The following DPP10 variants were observed in gnomAD, a reference collection of about 807,000 sequenced individuals.
DPP10 encodes inactive dipeptidyl peptidase 10.
DPP10 carries 33 observed loss-of-function variants against 120.9 expected under a neutral mutation model. The ratio of observed to expected loss-of-function variants is 0.27; its 90% confidence interval spans 0.21 to 0.37. The LOEUF (loss-of-function observed/expected upper bound fraction) is 0.37. Ranked by LOEUF, DPP10 falls within the 10% of genes least tolerant of loss-of-function variation. DPP10 has a pLI of 1.00. For missense variants in DPP10, 816 were observed against 942.8 expected, an observed-to-expected ratio of 0.87 and a Z score of 1.76; for synonymous variants, 337 against 326.1, an observed-to-expected ratio of 1.03 and a Z score of -0.36.
At chr2:114,727,292 C>G (rs1013011385) in intron 1 of DPP10, among the ~76,000 whole-genome samples, 1 of 152,118 alleles carries the variant, frequency 6.6e-6, no homozygotes, top group African/African-American at 2.4e-5. Context: ...CTTCTGGTGA[C>G]AAGGTCTTCA....
At chr2:114,447,689 A>G (rs1238499810) in intron 1 of DPP10, among the ~76,000 whole-genome samples, 1 of 152,192 alleles carries the variant, frequency 6.6e-6, no homozygotes, top group Non-Finnish European at 1.5e-5. Flanking sequence ...ACACTAAAGA[A>G]AGAGTTACCA....
intron 1 of DPP10, among the ~76,000 whole-genome samples, chr2:115,212,555 C>G (rs556253757): frequency 6.6e-6 from 1 of 151,792 alleles, no homozygotes; most frequent in Non-Finnish European, 1.5e-5. Flanking sequence ...ATATGTTGCA[C>G]GATATTTTTG....
At chr2:114,730,926 C>T (rs989125790) in intron 1 of DPP10, among the ~76,000 whole-genome samples, 23 of 148,116 alleles carry the variant, frequency 1.6e-4, no homozygotes, top group Non-Finnish European at 2.7e-4. Flanking sequence ...TTTAAACTTG[C>T]TGTGAGCCAC....
intron 1 of DPP10, among the ~76,000 whole-genome samples, chr2:114,973,035 TAATG>T (rs1699500553): frequency 1.3e-5 from 2 of 152,192 alleles, no homozygotes; most frequent in African/African-American, 2.4e-5. Flanking sequence ...TTTTTGCAGT[TAATG>T]AATAGTAATA....
chr2:115,559,492 A>G (rs1170573898), intron 5 of DPP10, among the ~76,000 whole-genome samples: 2 of 152,102 alleles, frequency 1.3e-5, no homozygotes, highest in Non-Finnish European at 2.9e-5. Context: ...TAATTGTTTT[A>G]CCGTTTGATT....
chr2:115,581,519 A>G (rs2082001220), intron 5 of DPP10, among the ~76,000 whole-genome samples: 1 of 152,118 alleles, frequency 6.6e-6, no homozygotes, highest in Non-Finnish European at 1.5e-5. Flanking sequence ...TTTCTTGCTC[A>G]GCCGCTCATG....
chr2:115,100,543 C>T (rs556546716), intron 1 of DPP10, among the ~76,000 whole-genome samples: 4 of 151,550 alleles, frequency 2.6e-5, no homozygotes, highest in South Asian at 2.1e-4. Flanking sequence ...TTTGTATATA[C>T]GTATGTGTGT....
chr2:115,337,472 A>T lies in DPP10; in HGVS notation c.176-6345A>T, dbSNP rs191067445. Among the ~76,000 whole-genome samples the T allele has an allele frequency of 8.7e-4, 132 of 152,132 alleles. 1 individual carries two copies. The highest frequency in any genetic ancestry group is 1.4e-3 in the Non-Finnish European group (94 of 67,980). The stretch of plus-strand genomic sequence containing the variant: ...ATGAAGAAAACCTAAAGTCAGAGAG[A>T]TGCAGGTTCAAGTTTCAGCTCTGCC... On this transcript the variant is annotated intron_variant, in intron 2 of 25. Transcript: ENST00000410059.
chr2:114,453,331 G>C (rs1022993538), intron 1 of DPP10, among the ~76,000 whole-genome samples: 1 of 152,180 alleles, frequency 6.6e-6, no homozygotes, highest in Non-Finnish European at 1.5e-5. Flanking sequence ...AGGGCAGGTA[G>C]AAAGAAGTCT....
intron 21 of DPP10, among the ~76,000 whole-genome samples, chr2:115,816,667 A>G (rs1433726205): frequency 5.0e-5 from 7 of 139,784 alleles, no homozygotes; most frequent in African/African-American, 1.9e-4. Context: ...GCCAGGCTGG[A>G]GTGCAGTGGC....
At chr2:114,973,389 C>T (rs964426372) in intron 1 of DPP10, among the ~76,000 whole-genome samples, 15 of 151,438 alleles carry the variant, frequency 9.9e-5, no homozygotes, top group Admixed American at 9.3e-4. Flanking sequence ...AGGCCGGGCA[C>T]GGTGGTTCAC....
In DPP10 at chr2:115,637,442, A is replaced by G. The variant is rs1423311124; in HGVS notation, c.442-52245A>G. Among the ~76,000 whole-genome samples the G allele has an allele frequency of 4.6e-5, 7 of 152,176 alleles. No individual in the cohort carries two copies. The East Asian group carries it at 9.7e-4, about 21-fold the overall frequency. ...ATTTCTAAAAATAGAGGAGAAAAATAGAATAAGAAAATAGGAGGCACAGAA... is the reference window on the plus strand; with the variant it reads ...ATTTCTAAAAATAGAGGAGAAAAATGGAATAAGAAAATAGGAGGCACAGAA... On this transcript the variant is annotated intron_variant, in intron 5 of 25. Coordinates refer to ENST00000410059, the MANE Select transcript of DPP10 (RefSeq NM_020868.6).
chr2:115,612,222 C>T (rs1468097127), intron 5 of DPP10, among the ~76,000 whole-genome samples: 1 of 152,060 alleles, frequency 6.6e-6, no homozygotes, highest in African/African-American at 2.4e-5. Context: ...AAATTAACAT[C>T]TTGAGGAAGC....
At chr2:114,594,369 C>CATATATAT (rs145248542) in intron 1 of DPP10, among the ~76,000 whole-genome samples, 10 of 147,708 alleles carry the variant, frequency 6.8e-5, no homozygotes, top group African/African-American at 2.0e-4. Flanking sequence ...CTCCCTTTTA[C>CATATATAT]ATATATATAT....
At chr2:115,368,253 A>G (rs756650261) in intron 3 of DPP10, among the ~76,000 whole-genome samples, 126 of 152,146 alleles carry the variant, frequency 8.3e-4, no homozygotes, top group Non-Finnish European at 1.6e-3. Flanking sequence ...GCCTGGGGAC[A>G]GGAAGTCTAC....
At chr2:115,358,551 A>T (rs760909191) in intron 3 of DPP10, among the ~76,000 whole-genome samples, 1 of 151,924 alleles carries the variant, frequency 6.6e-6, no homozygotes, top group East Asian at 1.9e-4. Flanking sequence ...ACATTTTCCT[A>T]TCTTCTTCTG....
chr2:115,311,491 C>T lies in DPP10; in HGVS notation c.175+2138C>T, dbSNP rs149344275. Among the ~76,000 whole-genome samples the T allele has an allele frequency of 4.3e-4, 66 of 152,168 alleles. 1 individual carries two copies. The East Asian group carries it at 7.6e-3, about 17-fold the overall frequency. On this transcript the variant is annotated intron_variant, in intron 2 of 25. Coordinates refer to ENST00000410059, the MANE Select transcript of DPP10 (RefSeq NM_020868.6). The stretch of plus-strand genomic sequence containing the variant: ...TGACTTCAATTTTAGTTATGACAAA[C>T]GGAAAGGGACAAAATATTTAACCTG...
intron 1 of DPP10, among the ~76,000 whole-genome samples, chr2:115,012,263 C>A (rs1702318201): frequency 6.6e-6 from 1 of 152,078 alleles, no homozygotes; most frequent in Non-Finnish European, 1.5e-5. Context: ...CTGTCTACCA[C>A]CTGAGGAACC....
intron 1 of DPP10, among the ~76,000 whole-genome samples, chr2:114,580,692 T>C (rs1690423210): frequency 6.6e-6 from 1 of 151,308 alleles, no homozygotes; most frequent in Non-Finnish European, 1.5e-5. Context: ...TTAATTTCCC[T>C]AAAGCACCGC....
Sources: gnomAD v4.1 joint callset for allele counts (sites outside exome capture counted in the v4.1 genomes callset) on GRCh38, gnomAD v4.1.1 for gene constraint, MANE v1.5 for transcripts, NCBI Gene and HGNC (gene_info 2026-07-23, HGNC 2026-07-21) for gene names.